Variants in DLC1 observed in about 807,000 individuals in gnomAD.
DLC1 encodes DLC1 Rho GTPase activating protein.
A neutral mutation model predicts 140.3 loss-of-function variants in DLC1; 54 were observed. That is an observed-to-expected ratio of 0.38 (90% CI 0.31 to 0.48). The LOEUF (loss-of-function observed/expected upper bound fraction) is 0.48, where lower values mean the gene tolerates loss of function less well. Ranked by LOEUF, DLC1 falls within the 20% of genes least tolerant of loss-of-function variation. The pLI is 0.96. For missense variants in DLC1, 2,536 were observed against 1,907.0 expected (o/e 1.33, Z -6.14); for synonymous variants, 986 against 728.1 (o/e 1.35, Z -5.70).
At chr8:13,572,099 T>TTTA (rs1554545682) in intron 1 of DLC1, among the ~76,000 whole-genome samples, 4 of 136,696 alleles carry the variant, frequency 2.9e-5, no homozygotes, top group Non-Finnish European at 6.5e-5. Flanking sequence ...TTATTTATTT[T>TTTA]TTTTTTTTGA....
intron 4 of DLC1, among the ~76,000 whole-genome samples, chr8:13,377,299 G>A (rs1836039362): frequency 6.6e-6 from 1 of 152,134 alleles, no homozygotes; most frequent in Non-Finnish European, 1.5e-5. Context: ...AAGTAATCAT[G>A]CATATGTATA....
chr8:13,489,752 C>G (rs939042074), intron 2 of DLC1, among the ~76,000 whole-genome samples: 1 of 152,102 alleles, frequency 6.6e-6, no homozygotes, highest in African/African-American at 2.4e-5. Context: ...CTGGGCAGTG[C>G]AGGAGTCCAG....
At chr8:13,413,319 G>A (rs934406618) in intron 2 of DLC1, among the ~76,000 whole-genome samples, 6 of 118,762 alleles carry the variant, frequency 5.1e-5, no homozygotes, top group African/African-American at 1.9e-4. Flanking sequence ...TTTATGTGTG[G>A]CCCAAGATAA....
In DLC1 at chr8:13,466,344, T is replaced by G. The variant is rs1218111688; in HGVS notation, c.1023+32705A>C. 3.3e-5 allele frequency among the ~76,000 whole-genome samples: 5 copies of G among 152,210 alleles called. No individual in the cohort carries two copies. In the East Asian group the frequency reaches 9.6e-4, roughly 29 times the overall value. On this transcript the variant is annotated intron_variant, in intron 2 of 17. Transcript: ENST00000276297. ...CTCTTTCTCTGTGATCTGTGAGTAA[T>G]AAAACACTTCTGTTGTTTCATGTGT...
Position 13,085,478 on chromosome 8 carries a change from C to A in DLC1, c.*333G>T. On this transcript the variant is annotated 3_prime_UTR_variant, in exon 18 of 18. Transcript: ENST00000276297. ...AAATAAAGCGACACAGGTACGCATA[C>A]ACTGATATCACAAGAGAATGAAGTA... 1 of 205,616 alleles carries A rather than the reference C, an allele frequency of 4.9e-6. No homozygotes were observed. Among genetic ancestry groups the A allele is most frequent in the Non-Finnish European group, 1.0e-5 (1 of 100,336 alleles). The allele number at this position is 205,616 out of a possible 1,614,324, so 12.7% of individuals were successfully genotyped here. A position where few individuals can be genotyped will look rare whatever the true frequency, so the allele number is the denominator to read the frequency against.
At chr8:13,571,094 C>T (rs1245517958) in intron 1 of DLC1, among the ~76,000 whole-genome samples, 2 of 152,192 alleles carry the variant, frequency 1.3e-5, no homozygotes, top group Non-Finnish European at 2.9e-5. Flanking sequence ...TAAATAACCA[C>T]TTACTTTAAT....
chr8:13,130,393 T>C (rs1821981170), intron 5 of DLC1, among the ~76,000 whole-genome samples: 1 of 152,240 alleles, frequency 6.6e-6, no homozygotes, highest in Admixed American at 6.5e-5. Flanking sequence ...ACAACATGTC[T>C]TTCTACTGGT....
At chr8:13,345,076 C>T (rs1041658421) in intron 4 of DLC1, among the ~76,000 whole-genome samples, 6 of 152,176 alleles carry the variant, frequency 3.9e-5, no homozygotes, top group East Asian at 3.9e-4. Context: ...TCCCTGGCCC[C>T]GCCACACACA....
chr8:13,522,891 G>A (rs1019270453), intron 1 of DLC1, among the ~76,000 whole-genome samples: 1 of 152,078 alleles, frequency 6.6e-6, no homozygotes, highest in African/African-American at 2.4e-5. Flanking sequence ...GGGTCACAGA[G>A]TTCCAGGTAG....
At chr8:13,283,323 C>G (rs1431087456) in intron 5 of DLC1, among the ~76,000 whole-genome samples, 1 of 151,620 alleles carries the variant, frequency 6.6e-6, no homozygotes. Flanking sequence ...CACACACACA[C>G]ACAGAAAAGA....
intron 5 of DLC1, among the ~76,000 whole-genome samples, chr8:13,224,898 T>G (rs1342287515): frequency 6.6e-6 from 1 of 152,336 alleles, no homozygotes; most frequent in Middle Eastern, 3.4e-3. Flanking sequence ...ACTAAAAAAA[T>G]TGTAGAAAGT....
chr8:13,225,969 G>T (rs1457657790), intron 5 of DLC1, among the ~76,000 whole-genome samples: 1 of 152,102 alleles, frequency 6.6e-6, no homozygotes, highest in African/African-American at 2.4e-5. Context: ...CTGGACTGCA[G>T]TGGTGCAATC....
chr8:13,382,313 C>G (rs1379402558), intron 4 of DLC1, among the ~76,000 whole-genome samples: 1 of 151,438 alleles, frequency 6.6e-6, no homozygotes, highest in Non-Finnish European at 1.5e-5. Context: ...CGAGACCATC[C>G]TGGCTAACAC....
At chr8:13,473,929 G>T (rs536641727) in intron 2 of DLC1, among the ~76,000 whole-genome samples, 1 of 152,308 alleles carries the variant, frequency 6.6e-6, no homozygotes, top group South Asian at 2.1e-4. Flanking sequence ...TGGAATATTT[G>T]CAGCCTGACA....
At position 13,092,831 on chromosome 8, in the gene DLC1, C is replaced by T. The variant is rs201546410; in HGVS notation, c.3527-6G>A. On this transcript the variant is annotated splice_polypyrimidine_tract_variant and splice_region_variant and intron_variant, in intron 12 of 17. Coordinates refer to ENST00000276297, the MANE Select transcript of DLC1 (RefSeq NM_182643.3). ...GCGCTGGTCCTTGGGCACATCTGCA[C>T]GACACCAGCACTTTCTCCATCAGCT... 6.0e-5 allele frequency: 96 copies of T among 1,610,336 alleles called. No individual in the cohort carries two copies. The East Asian group carries it at 1.9e-3, about 31-fold the overall frequency.
intron 4 of DLC1, among the ~76,000 whole-genome samples, chr8:13,324,522 G>A (rs1442525563): frequency 7.6e-6 from 1 of 131,186 alleles, no homozygotes; most frequent in Non-Finnish European, 1.5e-5. Context: ...AGCCCAGATC[G>A]CGCCACTGCA....
intron 16 of DLC1, among the ~76,000 whole-genome samples, chr8:13,087,378 G>C (rs1291857395): frequency 2.6e-5 from 4 of 152,218 alleles, no homozygotes; most frequent in South Asian, 2.1e-4. Context: ...CCTAGCCTTG[G>C]TGACAGAATG....
At chr8:13,361,453 G>A (rs191034252) in intron 4 of DLC1, among the ~76,000 whole-genome samples, 3 of 151,640 alleles carry the variant, frequency 2.0e-5, no homozygotes, top group African/African-American at 7.3e-5. Flanking sequence ...TATCTTTTGA[G>A]ACAAGTTCCT....
chr8:13,538,679 T>C (rs1002890720), intron 1 of DLC1, among the ~76,000 whole-genome samples: 1 of 152,138 alleles, frequency 6.6e-6, no homozygotes, highest in African/African-American at 2.4e-5. Context: ...AATATTCCGG[T>C]TTTACAGATG....
Sources: allele counts gnomAD v4.1 joint callset (sites outside exome capture counted in the v4.1 genomes callset), GRCh38; gene constraint gnomAD v4.1.1; transcripts MANE v1.5; gene names NCBI Gene and HGNC (gene_info 2026-07-23, HGNC 2026-07-21).